The following PDS5A variants were observed in gnomAD, a reference collection of about 807,000 sequenced individuals.
PDS5A encodes the protein PDS5 cohesin associated factor A.
In PDS5A, 42 loss-of-function variants were observed where a neutral mutation model predicts 167.1. That is an observed-to-expected ratio of 0.25 (90% CI 0.20 to 0.33). PDS5A has a LOEUF of 0.33. PDS5A is among the 10% of genes least tolerant of loss of function. PDS5A has a pLI of 1.00. For synonymous variants in PDS5A, 553 were observed against 554.6 expected, an observed-to-expected ratio of 1.00 and a Z score of 0.04; for missense variants, 1,033 against 1,605.9, an observed-to-expected ratio of 0.64 and a Z score of 6.10.
chr4:39,966,224 A>G (rs1418153554), intron 2 of PDS5A, among the ~76,000 whole-genome samples: 1 of 152,254 alleles, frequency 6.6e-6, no homozygotes, highest in Non-Finnish European at 1.5e-5. Context: ...ACTTAATTAC[A>G]TGCAAAATTA....
intron 26 of PDS5A, among the ~76,000 whole-genome samples, chr4:39,854,081 C>T (rs1163181030): frequency 1.3e-5 from 2 of 152,106 alleles, no homozygotes; most frequent in Admixed American, 6.6e-5. Flanking sequence ...GCAGGTGGAT[C>T]ACCTGAGGCC....
chr4:39,945,945 T>C (rs1727713363), intron 2 of PDS5A, among the ~76,000 whole-genome samples: 1 of 152,012 alleles, frequency 6.6e-6, no homozygotes, highest in Non-Finnish European at 1.5e-5. Flanking sequence ...CTCACGCCTG[T>C]AATCCTAGCA....
chr4:39,895,975 C>T (rs554796762), intron 16 of PDS5A, among the ~76,000 whole-genome samples: 32 of 151,410 alleles, frequency 2.1e-4, no homozygotes, highest in African/African-American at 5.6e-4. Flanking sequence ...CTGCCAACCT[C>T]GGCCTCCCAA....
intron 2 of PDS5A, among the ~76,000 whole-genome samples, chr4:39,958,840 CT>C (rs1729211998): frequency 6.6e-6 from 1 of 152,118 alleles, no homozygotes; most frequent in African/African-American, 2.4e-5. Context: ...AGCTCCTGGC[CT>C]CAAGTGATCC....
At chr4:39,899,212 G>A (rs867666227) in intron 14 of PDS5A, among the ~76,000 whole-genome samples, 2 of 152,210 alleles carry the variant, frequency 1.3e-5, no homozygotes, top group Admixed American at 1.3e-4. Flanking sequence ...ATATAGAGAA[G>A]AAACTTTTTT....
chr4:39,908,648 T>C, intron 10 of PDS5A, 108 bp from the exon 11 acceptor site: 3 of 678,672 alleles, frequency 4.4e-6, no homozygotes, highest in South Asian at 3.6e-5. Flanking sequence ...ACTAAAGCAA[T>C]GTTTGTAAAA....
chr4:39,898,136 G>A, intron 16 of PDS5A: 1 of 1,194,914 alleles, frequency 8.4e-7, no homozygotes, highest in South Asian at 4.1e-5. Context: ...TGTCTACTAA[G>A]TTCAAAGTAC....
chr4:39,967,414 G>A (rs577984335), intron 2 of PDS5A, among the ~76,000 whole-genome samples: 26 of 152,256 alleles, frequency 1.7e-4, no homozygotes, highest in Admixed American at 9.8e-4. Context: ...TTCGGAAGCC[G>A]AGGTGGGTGG....
At chr4:39,920,447 TGA>T (rs756238343) in intron 6 of PDS5A, 48 bp from the exon 7 acceptor site, 7 of 887,182 alleles carry the variant, frequency 7.9e-6, no homozygotes, top group South Asian at 1.5e-5. Context: ...TGTTAATTTA[TGA>T]GATAGTAACA....
At position 39,867,447 on chromosome 4, in the gene PDS5A, C is replaced by A. The variant is rs142942112; in HGVS notation, c.2506-450G>T. The stretch of plus-strand genomic sequence containing the variant: ...GTGACTCACGCCTGTAATCCCAGCA[C>A]TTTGGGAGGCCAAGGCAGGTGGATC... On this transcript the variant is annotated intron_variant, in intron 22 of 32. Transcript: ENST00000303538. Among the ~76,000 whole-genome samples, 49 of 151,442 alleles carry A rather than the reference C, an allele frequency of 3.2e-4. No homozygotes were observed. The East Asian group carries it at 9.1e-3, about 28-fold the overall frequency.
At chr4:39,976,941 G>A (rs1377667951) in intron 1 of PDS5A, among the ~76,000 whole-genome samples, 1 of 152,156 alleles carries the variant, frequency 6.6e-6, no homozygotes, top group African/African-American at 2.4e-5. Flanking sequence ...AGGCCGGCAA[G>A]GACCCCAAGG....
At chr4:39,974,767 G>T (rs1040778090) in intron 2 of PDS5A, among the ~76,000 whole-genome samples, 1 of 151,958 alleles carries the variant, frequency 6.6e-6, no homozygotes, top group Non-Finnish European at 1.5e-5. Flanking sequence ...TCGGCCTCCC[G>T]AAGTGCTGGG....
Position 39,845,861 on chromosome 4 carries a change from C to G in PDS5A, c.3359G>C (p.Ser1120Thr), listed in dbSNP as rs754424805. The change falls in exon 29 of 33, where the codon AGT (serine) becomes ACT (threonine). Residue 1120 changes from serine to threonine, a missense_variant. Transcript: ENST00000303538. ...TACTCTTGTCTCTTCTGAAATATAA[C>G]TCTTATCGTTACAGAAGTCCTATTA... The part of the protein sequence containing the change: ...QPEKDFCNDK[S>T]YISEETRVLL... 5.8e-6 allele frequency: 8 copies of G among 1,380,316 alleles called. No homozygotes were observed. The Middle Eastern group carries it at 9.7e-4, about 167-fold the overall frequency. The allele number at this position is 1,380,316 out of a possible 1,614,324, so 85.5% of individuals were successfully genotyped here.
chr4:39,855,470 C>T (rs1718457655), intron 26 of PDS5A, among the ~76,000 whole-genome samples: 1 of 152,068 alleles, frequency 6.6e-6, no homozygotes, highest in African/African-American at 2.4e-5. Flanking sequence ...GCAAATATGA[C>T]TAATTCACAG....
chr4:39,831,942 C>T (rs1216784179), intron 32 of PDS5A, among the ~76,000 whole-genome samples: 2 of 142,098 alleles, frequency 1.4e-5, no homozygotes, highest in African/African-American at 5.1e-5. Context: ...CGGTGAAACC[C>T]GTCTCTACTA....
At chr4:39,877,669 A>C (rs1720576864) in intron 18 of PDS5A, among the ~76,000 whole-genome samples, 1 of 151,902 alleles carries the variant, frequency 6.6e-6, no homozygotes, top group Non-Finnish European at 1.5e-5. Flanking sequence ...TCACTCTGTC[A>C]CCTAGGCTAG....
At chr4:39,874,481 T>C in intron 19 of PDS5A, 69 bp from the exon 20 acceptor site, 1 of 1,299,624 alleles carries the variant, frequency 7.7e-7, no homozygotes, top group Admixed American at 1.8e-5. Context: ...TTTGGTTGAC[T>C]TCCACTTCCC....
chr4:39,941,442 A>C (rs1045262821), intron 2 of PDS5A, among the ~76,000 whole-genome samples: 4 of 152,258 alleles, frequency 2.6e-5, no homozygotes, highest in African/African-American at 4.8e-5. Flanking sequence ...CTGCTGGCTA[A>C]GATTGAGAAT....
At position 39,824,863 on chromosome 4, in the gene PDS5A, A is replaced by G. The variant is rs1285053127; in HGVS notation, c.*622T>C. On this transcript the variant is annotated 3_prime_UTR_variant, in exon 33 of 33. Transcript: ENST00000303538. ...ATAAAAATCAGAAAGCAACATTTAT[A>G]AAATTGCTACCACATCACTTTTCAT... is the stretch of plus-strand genomic sequence containing the variant. The G allele has an allele frequency of 6.5e-6, 1 of 152,684 alleles. No individual in the cohort carries two copies. The highest frequency in any genetic ancestry group is 1.5e-5 in the Non-Finnish European group (1 of 68,044). The allele number at this position is 152,684 out of a possible 1,614,324, so 9.5% of individuals were successfully genotyped here. A position where few individuals can be genotyped will look rare whatever the true frequency, so the allele number is the denominator to read the frequency against.
Sources: gnomAD v4.1 joint callset for allele counts (sites outside exome capture counted in the v4.1 genomes callset) on GRCh38, gnomAD v4.1.1 for gene constraint, MANE v1.5 for transcripts, NCBI Gene and HGNC (gene_info 2026-07-23, HGNC 2026-07-21) for gene names.